ACER1: variants seen among roughly 807,000 people sequenced by gnomAD.
ACER1 encodes CTB-180A7.3.
In ACER1, 28 loss-of-function variants were observed where a neutral mutation model predicts 24.9. The ratio of observed to expected loss-of-function variants is 1.13; its 90% CI spans 0.83 to 1.54. The LOEUF is 1.54. Ranked by LOEUF, ACER1 falls within the 40% of genes most tolerant of loss-of-function variation. ACER1 has a pLI of 0.00. For missense variants in ACER1, 352 were observed against 349.3 expected (o/e 1.01, Z -0.06); for synonymous variants, 132 against 131.4 (o/e 1.00, Z -0.03).
At chr19:6,346,229 C>A in the ACER1 span, among the ~76,000 whole-genome samples, 1 of 152,016 alleles carries the variant, frequency 6.6e-6, no homozygotes, top group Non-Finnish European at 1.5e-5. Context: ...TTTAAATGAG[C>A]CTCCTGTATT....
chr19:6,348,465 GA>G, the ACER1 span, among the ~76,000 whole-genome samples: 2,476 of 101,870 alleles, frequency 0.024, 53 homozygotes, highest in African/African-American at 0.073. Flanking sequence ...ACTCCATCTG[GA>G]AAAAAAAAAA....
chr19:6,358,626 CA>C, the ACER1 span, among the ~76,000 whole-genome samples: 4,922 of 95,572 alleles, frequency 0.052, 77 homozygotes, highest in South Asian at 0.086. Flanking sequence ...GACTCCATCT[CA>C]AAAAAAAAAA....
the ACER1 span, among the ~76,000 whole-genome samples, chr19:6,344,831 ATTTATTTTAT>A: frequency 2.2e-4 from 33 of 150,578 alleles, no homozygotes; most frequent in East Asian, 5.9e-4. Flanking sequence ...ACAACAATCA[ATTTATTTTAT>A]TTTATTTTAT....
At chr19:6,342,702 G>A in the ACER1 span, among the ~76,000 whole-genome samples, 7 of 151,672 alleles carry the variant, frequency 4.6e-5, no homozygotes, top group South Asian at 1.5e-3. Flanking sequence ...CTGAGCAACA[G>A]AGCAAGACTC....
At chr19:6,311,702 G>A (rs1399928041) in intron 3 of ACER1, among the ~76,000 whole-genome samples, 1 of 152,096 alleles carries the variant, frequency 6.6e-6, no homozygotes, top group East Asian at 1.9e-4. Flanking sequence ...AAAAGTAGAA[G>A]GAGAAGGAGA....
chr19:6,338,606 T>C (rs2091723641), upstream of ACER1, among the ~76,000 whole-genome samples: 2 of 152,134 alleles, frequency 1.3e-5, no homozygotes, highest in Non-Finnish European at 2.9e-5. Flanking sequence ...TTAATGTGTT[T>C]GATAGAGGGT....
chr19:6,326,228 C>T (rs1405114836), intron 1 of ACER1, among the ~76,000 whole-genome samples: 3 of 151,142 alleles, frequency 2.0e-5, no homozygotes, highest in African/African-American at 7.3e-5. Context: ...TGGGTTCACC[C>T]GCCACTCTCC....
intron 1 of ACER1, among the ~76,000 whole-genome samples, chr19:6,322,623 C>T (rs2091636548): frequency 6.6e-6 from 1 of 152,136 alleles, no homozygotes. Context: ...CCAGACTCAG[C>T]TCCTTGCAAA....
chr19:6,320,213 C>T (rs1470265361), intron 1 of ACER1, among the ~76,000 whole-genome samples: 1 of 152,082 alleles, frequency 6.6e-6, no homozygotes, highest in East Asian at 1.9e-4. Context: ...ACCAGCAACA[C>T]CTGGCCTCTG....
At chr19:6,352,663 A>C in the ACER1 span, among the ~76,000 whole-genome samples, 1 of 152,362 alleles carries the variant, frequency 6.6e-6, no homozygotes, top group South Asian at 2.1e-4. Flanking sequence ...GCACAGGTGC[A>C]CACCTTTGAT....
chr19:6,335,154 T>G (rs1056543735), upstream of ACER1, among the ~76,000 whole-genome samples: 6 of 145,606 alleles, frequency 4.1e-5, no homozygotes, highest in African/African-American at 1.5e-4. Flanking sequence ...AATATAATAA[T>G]TAATATTATA....
intron 1 of ACER1, among the ~76,000 whole-genome samples, chr19:6,317,473 C>G (rs540741130): frequency 3.3e-5 from 5 of 152,208 alleles, no homozygotes; most frequent in African/African-American, 1.2e-4. Flanking sequence ...CAGCCCGTGG[C>G]CCTAGTTCAG....
chr19:6,324,910 A>AGGAT (rs1469686284), intron 1 of ACER1, among the ~76,000 whole-genome samples: 1 of 145,666 alleles, frequency 6.9e-6, no homozygotes, highest in Admixed American at 6.9e-5. Context: ...GAAGGAAGGA[A>AGGAT]GGAGGAAGGA....
At chr19:6,355,660 G>A in the ACER1 span, among the ~76,000 whole-genome samples, 6 of 141,400 alleles carry the variant, frequency 4.2e-5, no homozygotes, top group South Asian at 1.1e-3. Context: ...CGCCCCGTCC[G>A]GGAGGTGAGG....
chr19:6,312,316 G>T, intron 2 of ACER1, 26 bp from the exon 3 acceptor site: 2 of 1,613,914 alleles, frequency 1.2e-6, no homozygotes, highest in Non-Finnish European at 1.7e-6. Context: ...CAGGCGGTCA[G>T]TGGGGTCCGC....
chr19:6,319,798 T>G (rs1423762511), intron 1 of ACER1, among the ~76,000 whole-genome samples: 1 of 151,828 alleles, frequency 6.6e-6, no homozygotes, highest in African/African-American at 2.4e-5. Flanking sequence ...TACATTTTAG[T>G]AGAAAAGAAT....
chr19:6,353,869 T>TAAATA, the ACER1 span, among the ~76,000 whole-genome samples: 3 of 149,106 alleles, frequency 2.0e-5, no homozygotes, highest in African/African-American at 2.5e-5. Flanking sequence ...TAAAATAAAA[T>TAAATA]AAATAAAATA....
chr19:6,345,564 T>TC, the ACER1 span, among the ~76,000 whole-genome samples: 8 of 132,170 alleles, frequency 6.1e-5, no homozygotes, highest in Non-Finnish European at 9.0e-5. Context: ...GGTATTAGAT[T>TC]CTTTTTTTTT....
the ACER1 span, among the ~76,000 whole-genome samples, chr19:6,355,832 A>G: frequency 0.31 from 37,542 of 120,834 alleles, 10,560 homozygotes; most frequent in African/African-American, 0.74. Flanking sequence ...CAGCCGCTCC[A>G]TCCGGGAGGG....
Sources: gnomAD v4.1 joint callset for allele counts (sites outside exome capture counted in the v4.1 genomes callset) on GRCh38, gnomAD v4.1.1 for gene constraint, MANE v1.5 for transcripts, NCBI Gene and HGNC (gene_info 2026-07-23, HGNC 2026-07-21) for gene names.